AUTS2: variants seen among roughly 807,000 people sequenced by gnomAD.
AUTS2 encodes the protein activator of transcription and developmental regulator AUTS2, also known as autism susceptibility gene 2 protein.
In AUTS2, 17 loss-of-function variants were observed where a neutral mutation model predicts 112.4. The observed-to-expected ratio is 0.15, with a 90% confidence interval of 0.10 to 0.23. AUTS2 has a LOEUF of 0.23. Ranked by LOEUF, AUTS2 falls within the 10% of genes least tolerant of loss-of-function variation. The pLI is 1.00. For missense variants in AUTS2, 1,510 were observed against 1,701.6 expected (o/e 0.89, Z 1.98); for synonymous variants, 751 against 702.7 (o/e 1.07, Z -1.09).
chr7:70,235,868 C>T (rs1812302644), intron 4 of AUTS2, among the ~76,000 whole-genome samples: 1 of 152,076 alleles, frequency 6.6e-6, no homozygotes, highest in Non-Finnish European at 1.5e-5. Context: ...CTGTGTTGGC[C>T]AGGCTTGTCT....
chr7:70,761,902 A>C (rs116190054), intron 6 of AUTS2, among the ~76,000 whole-genome samples: 2,795 of 152,308 alleles, frequency 0.018, 97 homozygotes, highest in African/African-American at 0.062. Context: ...CTTTCTTAAA[A>C]GCTCTAGCAA....
At chr7:70,002,113 G>C (rs2129552847) in intron 2 of AUTS2, among the ~76,000 whole-genome samples, 1 of 152,218 alleles carries the variant, frequency 6.6e-6, no homozygotes, top group East Asian at 1.9e-4. Context: ...CCTAACAAGT[G>C]ATATAAGTAA....
At chr7:69,960,581 A>G (rs1284908700) in intron 2 of AUTS2, among the ~76,000 whole-genome samples, 2 of 152,326 alleles carry the variant, frequency 1.3e-5, no homozygotes, top group East Asian at 1.9e-4. Flanking sequence ...AAGTATTTAC[A>G]TGCACATTTT....
chr7:70,224,192 G>T (rs1003001338), intron 4 of AUTS2, among the ~76,000 whole-genome samples: 1 of 152,100 alleles, frequency 6.6e-6, no homozygotes, highest in African/African-American at 2.4e-5. Context: ...GTGTGTGCCT[G>T]TAGACTCAGC....
intron 1 of AUTS2, among the ~76,000 whole-genome samples, chr7:69,883,838 G>T (rs946951709): frequency 1.3e-5 from 2 of 152,154 alleles, no homozygotes; most frequent in Non-Finnish European, 2.9e-5. Flanking sequence ...TTTAACAGCC[G>T]CCATGTGTAT....
At chr7:69,925,434 G>C (rs575437364) in intron 2 of AUTS2, among the ~76,000 whole-genome samples, 1 of 152,134 alleles carries the variant, frequency 6.6e-6, no homozygotes, top group South Asian at 2.1e-4. Context: ...ATTCTGATCT[G>C]TGGTATTTTC....
At chr7:70,627,838 C>T (rs117492110) in intron 5 of AUTS2, among the ~76,000 whole-genome samples, 1 of 152,162 alleles carries the variant, frequency 6.6e-6, no homozygotes, top group African/African-American at 2.4e-5. Context: ...CTGTGCTGTG[C>T]AGTCAAGGTT....
chr7:69,914,366 C>CACAG (rs1395518294), intron 2 of AUTS2, among the ~76,000 whole-genome samples: 2,739 of 149,650 alleles, frequency 0.018, 70 homozygotes, highest in African/African-American at 0.062. Context: ...GACACACACA[C>CACAG]ACACACACAC....
intron 6 of AUTS2, among the ~76,000 whole-genome samples, chr7:70,723,344 C>T (rs1786811585): frequency 6.6e-6 from 1 of 152,108 alleles, no homozygotes; most frequent in African/African-American, 2.4e-5. Context: ...TGGGAGACAC[C>T]ACATTCACCC....
chr7:70,111,945 T>TATACAACTATATTGTATAGTTAGTA (rs1805109543), intron 2 of AUTS2, among the ~76,000 whole-genome samples: 1 of 152,048 alleles, frequency 6.6e-6, no homozygotes, highest in African/African-American at 2.4e-5. Flanking sequence ...TATAGTTTAC[T>TATACAACTATATTGTATAGTTAGTA]AACTGTACAA....
At chr7:70,765,144 C>G in intron 8 of AUTS2, 139 bp downstream of exon 8, 1 of 1,200,802 alleles carries the variant, frequency 8.3e-7, no homozygotes, top group Non-Finnish European at 1.1e-6. Context: ...TCCTCAAACG[C>G]TCTCTGGCCT....
chr7:70,456,714 G>A (rs1458316214), intron 5 of AUTS2, among the ~76,000 whole-genome samples: 1 of 152,252 alleles, frequency 6.6e-6, no homozygotes, highest in Non-Finnish European at 1.5e-5. Context: ...TCCACTCACT[G>A]TGGCTGGAAG....
At chr7:70,375,784 C>G (rs1793057295) in intron 4 of AUTS2, among the ~76,000 whole-genome samples, 1 of 152,002 alleles carries the variant, frequency 6.6e-6, no homozygotes, top group South Asian at 2.1e-4. Context: ...AATTCTAAAC[C>G]AGCTGTTTTC....
chr7:70,214,151 G>A (rs534400552), intron 4 of AUTS2, among the ~76,000 whole-genome samples: 17 of 152,210 alleles, frequency 1.1e-4, no homozygotes, highest in Admixed American at 1.0e-3. Flanking sequence ...TAAAACAGAA[G>A]GCAATTTGTT....
intron 4 of AUTS2, among the ~76,000 whole-genome samples, chr7:70,245,142 G>GTATATATATATATATATATATATA (rs1225794976): frequency 1.2e-4 from 9 of 72,232 alleles, no homozygotes; most frequent in Admixed American, 5.2e-4. Flanking sequence ...AAGTGTGTGT[G>GTATATATATATATATATATATATA]TGTATATATA....
intron 3 of AUTS2, among the ~76,000 whole-genome samples, chr7:70,123,040 T>C (rs1035489531): frequency 2.0e-5 from 3 of 151,972 alleles, no homozygotes; most frequent in Non-Finnish European, 4.4e-5. Flanking sequence ...CACGCCCAGC[T>C]AATTTTTCAT....
At chr7:70,621,923 T>A (rs938910653) in intron 5 of AUTS2, among the ~76,000 whole-genome samples, 1 of 131,416 alleles carries the variant, frequency 7.6e-6, no homozygotes, top group Non-Finnish European at 1.6e-5. Context: ...CTCAGCTCAC[T>A]GCAACTTCCA....
At chr7:70,750,127 A>G (rs1357010327) in intron 6 of AUTS2, among the ~76,000 whole-genome samples, 6 of 152,158 alleles carry the variant, frequency 3.9e-5, no homozygotes, top group Non-Finnish European at 8.8e-5. Flanking sequence ...AGTCACTGCC[A>G]TAAGATATCA....
chr7:70,150,986 G>A (rs1305962263), intron 4 of AUTS2, among the ~76,000 whole-genome samples: 1 of 152,200 alleles, frequency 6.6e-6, no homozygotes, highest in African/African-American at 2.4e-5. Context: ...GTAAACAAAT[G>A]TAGTCATCTC....
Sources: allele counts gnomAD v4.1 joint callset (sites outside exome capture counted in the v4.1 genomes callset), GRCh38; gene constraint gnomAD v4.1.1; transcripts MANE v1.5; gene names NCBI Gene and HGNC (gene_info 2026-07-23, HGNC 2026-07-21).